RGS7: variants seen among roughly 807,000 people sequenced by gnomAD.
RGS7 encodes the protein regulator of G protein signaling 7.
A neutral mutation model predicts 81.1 loss-of-function variants in RGS7; 27 were observed. The observed-to-expected ratio is 0.33, with a 90% CI of 0.25 to 0.46. The LOEUF is 0.46. Ranked by LOEUF, RGS7 falls within the 20% of genes least tolerant of loss-of-function variation. RGS7 has a pLI of 1.00. For missense variants in RGS7, 396 were observed against 607.4 expected, an observed-to-expected ratio of 0.65 and a Z score of 3.66; for synonymous variants, 208 against 207.7, an observed-to-expected ratio of 1.00 and a Z score of -0.01.
intron 2 of RGS7, among the ~76,000 whole-genome samples, chr1:241,278,010 C>T (rs1444484144): frequency 6.6e-6 from 1 of 152,174 alleles, no homozygotes; most frequent in Non-Finnish European, 1.5e-5. Context: ...CATTGAAAAA[C>T]TCATTTTAAC....
intron 6 of RGS7, among the ~76,000 whole-genome samples, chr1:240,916,436 A>AT (rs1284346342): frequency 6.6e-6 from 1 of 152,138 alleles, no homozygotes; most frequent in African/African-American, 2.4e-5. Flanking sequence ...AATAACTGAG[A>AT]TTTTCCCCAA....
At chr1:241,109,651 T>C (rs1292879627) in intron 2 of RGS7, among the ~76,000 whole-genome samples, 1 of 152,080 alleles carries the variant, frequency 6.6e-6, no homozygotes, top group Non-Finnish European at 1.5e-5. Context: ...AATATTATTT[T>C]CTATTTGAAA....
At position 240,849,232 on chromosome 1, in the gene RGS7, G is replaced by A. The variant is rs534213639; in HGVS notation, c.609+19355C>T. On this transcript the variant is annotated intron_variant, in intron 9 of 18. Transcript: ENST00000440928. ...TTTCATTCAACAAGTTACCCCCTTC[G>A]TTTTTCTTGGTTTATTGTAAGTTCT... Among the ~76,000 whole-genome samples, 208 of 151,996 alleles carry A rather than the reference G, an allele frequency of 1.4e-3. 1 individual carries two copies. Among genetic ancestry groups the A allele is most frequent in the African/African-American group, 4.7e-3 (196 of 41,460 alleles).
intron 2 of RGS7, among the ~76,000 whole-genome samples, chr1:241,280,423 T>C (rs1323409133): frequency 6.6e-6 from 1 of 152,098 alleles, no homozygotes; most frequent in African/African-American, 2.4e-5. Context: ...CAGTCTGCTG[T>C]ACTTTGTTTA....
intron 3 of RGS7, among the ~76,000 whole-genome samples, chr1:241,083,718 T>C (rs2063281697): frequency 6.6e-6 from 1 of 152,236 alleles, no homozygotes; most frequent in Non-Finnish European, 1.5e-5. Context: ...TTCTTATTTA[T>C]TTGTACATTA....
At chr1:241,186,689 A>G (rs1177305352) in intron 2 of RGS7, among the ~76,000 whole-genome samples, 4 of 151,414 alleles carry the variant, frequency 2.6e-5, no homozygotes, top group African/African-American at 9.7e-5. Flanking sequence ...ACACCCGGCT[A>G]ATTTTTTTTT....
intron 6 of RGS7, among the ~76,000 whole-genome samples, chr1:240,930,384 A>G (rs1170199293): frequency 2.0e-5 from 3 of 152,158 alleles, no homozygotes; most frequent in Middle Eastern, 3.2e-3. Flanking sequence ...GAGTTGAACT[A>G]GAACTCTGGT....
chr1:240,827,876 A>C (rs192480966), intron 9 of RGS7, among the ~76,000 whole-genome samples: 2,340 of 150,530 alleles, frequency 0.016, 50 homozygotes, highest in African/African-American at 0.053. Context: ...AAAAAAAAAA[A>C]AAAAAAAAAA....
chr1:241,177,513 C>A (rs1346298822), intron 2 of RGS7, among the ~76,000 whole-genome samples: 2 of 151,392 alleles, frequency 1.3e-5, no homozygotes, highest in African/African-American at 2.4e-5. Context: ...TATAAGAAGC[C>A]CCTTGAGGGT....
chr1:241,308,504 C>CTT (rs986305883), intron 2 of RGS7, among the ~76,000 whole-genome samples: 1 of 152,190 alleles, frequency 6.6e-6, no homozygotes, highest in African/African-American at 2.4e-5. Flanking sequence ...AGCAAACAGT[C>CTT]TTTTATCAGC....
At chr1:241,000,562 C>T (rs942989079) in intron 3 of RGS7, among the ~76,000 whole-genome samples, 4 of 152,140 alleles carry the variant, frequency 2.6e-5, no homozygotes, top group Admixed American at 2.0e-4. Context: ...TTTTTCAGCA[C>T]TGAATGGTCC....
intron 2 of RGS7, among the ~76,000 whole-genome samples, chr1:241,322,122 C>T (rs901518426): frequency 3.3e-5 from 5 of 152,186 alleles, no homozygotes; most frequent in African/African-American, 1.2e-4. Context: ...GATTATCCCA[C>T]CTGAGAGCAA....
At chr1:240,976,613 C>T (rs974334593) in intron 4 of RGS7, among the ~76,000 whole-genome samples, 1 of 152,126 alleles carries the variant, frequency 6.6e-6, no homozygotes, top group African/African-American at 2.4e-5. Context: ...GGGAATTCTG[C>T]CACCAGACCT....
chr1:240,832,951 G>A (rs1341141012), intron 9 of RGS7, among the ~76,000 whole-genome samples: 2 of 151,956 alleles, frequency 1.3e-5, no homozygotes, highest in African/African-American at 2.4e-5. Context: ...CTGAAACCAC[G>A]GATAGTACCA....
intron 2 of RGS7, among the ~76,000 whole-genome samples, chr1:241,123,086 G>A (rs901682372): frequency 2.6e-5 from 4 of 152,116 alleles, no homozygotes; most frequent in African/African-American, 9.7e-5. Context: ...AAGTGCTCAG[G>A]AACCCTAGAG....
At chr1:241,269,635 G>C (rs969478406) in intron 2 of RGS7, among the ~76,000 whole-genome samples, 4 of 152,172 alleles carry the variant, frequency 2.6e-5, no homozygotes, top group Non-Finnish European at 5.9e-5. Flanking sequence ...AATTGAAAAA[G>C]AAGGAGACAA....
At chr1:241,131,620 A>G (rs902168581) in intron 2 of RGS7, among the ~76,000 whole-genome samples, 5 of 152,258 alleles carry the variant, frequency 3.3e-5, no homozygotes, top group Non-Finnish European at 5.9e-5. Flanking sequence ...GCATTTAAAA[A>G]GCAAAAATGA....
chr1:240,787,327 T>C (rs547747255), intron 18 of RGS7, among the ~76,000 whole-genome samples: 121 of 152,358 alleles, frequency 7.9e-4, no homozygotes, highest in African/African-American at 2.7e-3. Flanking sequence ...GTAGACCCTG[T>C]ATTACATTTT....
chr1:240,870,084 C>A lies in RGS7; in HGVS notation c.421G>T (p.Ala141Ser). 6.2e-7 allele frequency: 1 copy of A among 1,614,084 alleles called. No homozygotes were observed. Among genetic ancestry groups the A allele is most frequent in the Admixed American group, 1.7e-5 (1 of 60,004 alleles). Residue 141 changes from alanine to serine, a missense_variant, in exon 7 of 19, where the codon GCA becomes TCA. Coordinates refer to ENST00000440928, the MANE Select transcript of RGS7 (RefSeq NM_001364886.1). Reference protein sequence around the residue: ...YLCKRTMQNKARLELADYEAE... With the variant: ...YLCKRTMQNKSRLELADYEAE... ...TCATAGTCTGCGAGCTCCAGTCGTG[C>A]CTTGTTTTGCATTGTTCTCTTGCAG...
Sources: gnomAD v4.1 joint callset for allele counts (sites outside exome capture counted in the v4.1 genomes callset) on GRCh38, gnomAD v4.1.1 for gene constraint, MANE v1.5 for transcripts, NCBI Gene and HGNC (gene_info 2026-07-23, HGNC 2026-07-21) for gene names.